VAV2: variants seen among roughly 807,000 people sequenced by gnomAD.
The protein encoded by VAV2 is guanine nucleotide exchange factor VAV2.
Under a neutral mutation model 132.5 loss-of-function variants are expected in VAV2, and 67 were observed. The observed-to-expected ratio is 0.51, with a 90% CI of 0.42 to 0.62. The LOEUF is 0.62. Among genes scored for constraint, VAV2 ranks in the 20% least tolerant of loss-of-function variants. The probability of loss-of-function intolerance (pLI) is 0.00; values close to 1 mark genes in which losing one functional copy is unlikely to be tolerated. For missense variants in VAV2, 938 were observed against 1,153.6 expected (o/e 0.81, Z 2.71); for synonymous variants, 492 against 443.5 (o/e 1.11, Z -1.37).
intron 1 of VAV2, among the ~76,000 whole-genome samples, chr9:133,978,139 A>C (rs1842575383): frequency 6.6e-6 from 1 of 152,272 alleles, no homozygotes. Context: ...AGGCCAGGAC[A>C]GGCAGGGCTG....
At chr9:133,778,006 C>T (rs752062739) in intron 22 of VAV2, among the ~76,000 whole-genome samples, 2 of 152,140 alleles carry the variant, frequency 1.3e-5, no homozygotes, top group Non-Finnish European at 2.9e-5. Flanking sequence ...TCTTGGGGCT[C>T]CCTTGAGCAC....
chr9:133,964,065 A>ATG (rs1564507811), intron 1 of VAV2, among the ~76,000 whole-genome samples: 3 of 138,252 alleles, frequency 2.2e-5, no homozygotes, highest in Admixed American at 7.1e-5. Flanking sequence ...ATATACATAT[A>ATG]TATAAATGAA....
chr9:133,906,986 G>C (rs1294795659), intron 2 of VAV2, among the ~76,000 whole-genome samples: 2 of 152,258 alleles, frequency 1.3e-5, no homozygotes, highest in Non-Finnish European at 2.9e-5. Context: ...GCCCCTCCGT[G>C]AGTGATGGCC....
chr9:133,964,022 C>CATATGTACATAT lies in VAV2; in HGVS notation c.205-24804_205-24803insATATGTACATAT, dbSNP rs1217468550. Among the ~76,000 whole-genome samples the CATATGTACATAT allele has an allele frequency of 2.2e-3, 210 of 93,822 alleles. 13 individuals are homozygous for CATATGTACATAT. Among genetic ancestry groups the CATATGTACATAT allele is most frequent in the South Asian group, 3.7e-3 (9 of 2,420 alleles). 61.6% of individuals were successfully genotyped at this position (93,822 alleles called of 152,430 possible). A position where few individuals can be genotyped will look rare whatever the true frequency, so the allele number is the denominator to read the frequency against. On this transcript the variant is annotated intron_variant, in intron 1 of 29. Coordinates refer to ENST00000371850, the MANE Select transcript of VAV2 (RefSeq NM_001134398.2). ...TAAACTTTAAAAAAAATTATTCATT[C>CATATGTACATAT]ATATATATATATATATATATATATA...
rs1840871226 is a variant in VAV2, at chr9:133,935,421, G to C, written c.321+3682C>G. Among the ~76,000 whole-genome samples the C allele has an allele frequency of 6.6e-6, 1 of 152,184 alleles. No individual in the cohort carries two copies. The highest frequency in any genetic ancestry group is 1.5e-5 in the Non-Finnish European group (1 of 68,034). On this transcript the variant is annotated intron_variant, in intron 2 of 29. Transcript: ENST00000371850. The surrounding 1 kb of genome is among the most constrained non-coding windows in gnomAD (Gnocchi z 5.2). Reference sequence around the variant, plus strand: ...TGTGGTCAACAAGCTGGGAGTCCGGGAGGCCAGAGACCAGCAGCCTCGGCA... The same window carrying C: ...TGTGGTCAACAAGCTGGGAGTCCGGCAGGCCAGAGACCAGCAGCCTCGGCA...
chr9:133,938,994 C>G, intron 2 of VAV2, 109 bp downstream of exon 2: 1 of 1,001,488 alleles, frequency 1.0e-6, no homozygotes, highest in South Asian at 1.3e-5. Flanking sequence ...TCCACTGGCT[C>G]TGTGTTGGAG....
Position 133,823,037 on chromosome 9 carries a change from A to AG in VAV2, c.450-10822dup, listed in dbSNP as rs1399808570. Among the ~76,000 whole-genome samples, 3 of 152,206 alleles carry AG rather than the reference A, an allele frequency of 2.0e-5. No homozygotes were observed. The highest frequency in any genetic ancestry group is 4.4e-5 in the Non-Finnish European group (3 of 68,034). On this transcript the variant is annotated intron_variant, in intron 4 of 29. Transcript: ENST00000371850. The surrounding 1 kb of genome is among the most constrained non-coding windows in gnomAD (Gnocchi z 5.5). ...CGGCAAAGCCCAGGGCCTGGCTCTC[A>AG]GGGGACAGGAGCAGGGATTGTCGAA...
intron 4 of VAV2, among the ~76,000 whole-genome samples, chr9:133,825,074 G>A (rs1180472379): frequency 2.0e-5 from 3 of 152,196 alleles, no homozygotes; most frequent in East Asian, 1.9e-4. Flanking sequence ...AGCCCAGGTG[G>A]GGCCGAGCAC....
intron 21 of VAV2, among the ~76,000 whole-genome samples, chr9:133,779,536 C>A (rs1405886012): frequency 6.6e-6 from 1 of 152,238 alleles, no homozygotes; most frequent in Non-Finnish European, 1.5e-5. Flanking sequence ...TACGCTGTGT[C>A]TAGAAGCACG....
At chr9:133,905,107 T>A (rs1300675427) in intron 2 of VAV2, among the ~76,000 whole-genome samples, 1 of 152,144 alleles carries the variant, frequency 6.6e-6, no homozygotes, top group Non-Finnish European at 1.5e-5. Flanking sequence ...CACCAAGCCC[T>A]GGCCCACACT....
chr9:133,794,153 C>T lies in VAV2; in HGVS notation c.1101+1515G>A, dbSNP rs745711599. Among the ~76,000 whole-genome samples, 5 of 152,162 alleles carry T rather than the reference C, an allele frequency of 3.3e-5. No individual in the cohort carries two copies. The highest frequency in any genetic ancestry group is 4.8e-5 in the African/African-American group (2 of 41,434). The stretch of plus-strand genomic sequence containing the variant: ...GGCCCGGGTGCACGGCCCACTGCAC[C>T]TGCTGTCACTGTCTCAGAGCCCCCG... On this transcript the variant is annotated intron_variant, in intron 12 of 29. Transcript: ENST00000371850. This position sits in a 1 kb window ranked among gnomAD's most constrained non-coding sequence, Gnocchi z 4.6.
intron 21 of VAV2, 32 bp downstream of exon 21, chr9:133,779,886 G>A (rs1310727306): frequency 6.2e-7 from 1 of 1,608,206 alleles, no homozygotes; most frequent in Admixed American, 1.7e-5. Context: ...TGACATGGGT[G>A]ATAGCAGAGG....
rs147903954 is a variant in VAV2, at chr9:133,961,020, G to A, written c.205-21801C>T. Among the ~76,000 whole-genome samples, 85 of 152,338 alleles carry A rather than the reference G, an allele frequency of 5.6e-4. No individual in the cohort carries two copies. Among genetic ancestry groups the A allele is most frequent in the African/African-American group, 2.0e-3 (82 of 41,582 alleles). On this transcript the variant is annotated intron_variant, in intron 1 of 29. Transcript: ENST00000371850. The surrounding 1 kb of genome is among the most constrained non-coding windows in gnomAD (Gnocchi z 4.1). ...CAGGTCTGCCGCCTTGCAATGCGAC[G>A]CCTGCCTGGGAGCGCAGGTGAGGGA... is the stretch of plus-strand genomic sequence containing the variant.
intron 3 of VAV2, among the ~76,000 whole-genome samples, chr9:133,845,639 T>C (rs944886876): frequency 6.6e-6 from 1 of 152,192 alleles, no homozygotes; most frequent in Non-Finnish European, 1.5e-5. Flanking sequence ...GGGCCTCACG[T>C]TGGAGGATCG....
At chr9:133,878,975 A>T (rs1303827315) in intron 2 of VAV2, among the ~76,000 whole-genome samples, 1 of 151,762 alleles carries the variant, frequency 6.6e-6, no homozygotes, top group African/African-American at 2.4e-5. Flanking sequence ...CCAGCCTTTG[A>T]CTCCATGGAG....
chr9:133,941,234 C>A (rs1841143855), intron 1 of VAV2, among the ~76,000 whole-genome samples: 1 of 151,980 alleles, frequency 6.6e-6, no homozygotes, highest in Non-Finnish European at 1.5e-5. Context: ...ATGGTAAAAC[C>A]CTGTCTCTAC....
At chr9:133,949,245 G>A (rs1396062891) in intron 1 of VAV2, among the ~76,000 whole-genome samples, 2 of 151,984 alleles carry the variant, frequency 1.3e-5, no homozygotes, top group Non-Finnish European at 2.9e-5. Flanking sequence ...CAAGCTTCCG[G>A]ACCCCTGTCT....
chr9:133,856,984 A>G (rs570098069), intron 3 of VAV2, among the ~76,000 whole-genome samples: 1 of 152,232 alleles, frequency 6.6e-6, no homozygotes. Flanking sequence ...GCACAGACAC[A>G]GAGCAACCCC....
intron 4 of VAV2, among the ~76,000 whole-genome samples, chr9:133,828,283 G>A (rs866691618): frequency 2.1e-5 from 2 of 93,394 alleles, no homozygotes; most frequent in Admixed American, 1.0e-4. Context: ...CTACCGCTGC[G>A]CCCACTGGGG....
Sources: gnomAD v4.1 joint callset for allele counts (sites outside exome capture counted in the v4.1 genomes callset) on GRCh38, gnomAD v4.1.1 for gene constraint, Gnocchi (gnomAD v3.1) non-coding constraint, MANE v1.5 for transcripts, NCBI Gene and HGNC (gene_info 2026-07-23, HGNC 2026-07-21) for gene names.